LRRC8C: variants seen among roughly 807,000 people sequenced by gnomAD.
LRRC8C encodes the protein leucine rich repeat containing 8 VRAC subunit C, also known as volume-regulated anion channel subunit LRRC8C.
Under a neutral mutation model 55.3 loss-of-function variants are expected in LRRC8C, and 20 were observed. The observed-to-expected ratio is 0.36, with a 90% CI of 0.25 to 0.53. LRRC8C has a LOEUF of 0.53. Ranked by LOEUF, LRRC8C falls within the 20% of genes least tolerant of loss-of-function variation. The pLI, the probability that LRRC8C is intolerant of heterozygous loss-of-function variation, is 0.92. For synonymous variants in LRRC8C, 376 were observed against 360.7 expected, an observed-to-expected ratio of 1.04 and a Z score of -0.48; for missense variants, 659 against 951.4, an observed-to-expected ratio of 0.69 and a Z score of 4.04.
At chr1:89,710,837 G>A (rs1433628848) in intron 2 of LRRC8C, among the ~76,000 whole-genome samples, 1 of 152,148 alleles carries the variant, frequency 6.6e-6, no homozygotes, top group African/African-American at 2.4e-5. Context: ...GGATCCCTCT[G>A]GCTTAATCCT....
intron 2 of LRRC8C, among the ~76,000 whole-genome samples, chr1:89,697,506 G>A (rs1658206516): frequency 6.6e-6 from 1 of 152,166 alleles, no homozygotes; most frequent in African/African-American, 2.4e-5. Context: ...TTCAAAAAGA[G>A]TTTTTCCTGT....
intron 1 of LRRC8C, among the ~76,000 whole-genome samples, chr1:89,676,983 T>C (rs926374825): frequency 8.5e-5 from 13 of 152,174 alleles, no homozygotes; most frequent in African/African-American, 2.9e-4. Flanking sequence ...CATAGATTTT[T>C]AGTGAATTCA....
chr1:89,616,510 G>A, the LRRC8C span, among the ~76,000 whole-genome samples: 1 of 152,194 alleles, frequency 6.6e-6, no homozygotes, highest in Admixed American at 6.5e-5. Context: ...CATTGAAGAA[G>A]GAGGTTGCAA....
chr1:89,656,276 G>A (rs908430605), intron 1 of LRRC8C, among the ~76,000 whole-genome samples: 4 of 152,204 alleles, frequency 2.6e-5, no homozygotes, highest in Non-Finnish European at 5.9e-5. Context: ...TTTCTGGATC[G>A]CAGTGGTCAG....
At chr1:89,695,170 C>T (rs183224526) in intron 2 of LRRC8C, among the ~76,000 whole-genome samples, 18 of 152,252 alleles carry the variant, frequency 1.2e-4, no homozygotes, top group East Asian at 9.6e-4. Flanking sequence ...GATCTGCCCC[C>T]CTCGGGCTCC....
chr1:89,646,650 C>G (rs1240253469), intron 1 of LRRC8C, among the ~76,000 whole-genome samples: 2 of 152,026 alleles, frequency 1.3e-5, no homozygotes, highest in Non-Finnish European at 2.9e-5. Context: ...TAGCTAGCAT[C>G]ATACTTAATG....
chr1:89,622,566 C>A, the LRRC8C span, among the ~76,000 whole-genome samples: 6 of 152,104 alleles, frequency 3.9e-5, no homozygotes, highest in Non-Finnish European at 7.4e-5. Context: ...ATCTCCTGAC[C>A]TTGCGATCCG....
intron 2 of LRRC8C, among the ~76,000 whole-genome samples, chr1:89,699,822 C>T (rs1183546282): frequency 6.6e-6 from 1 of 152,214 alleles, no homozygotes; most frequent in Non-Finnish European, 1.5e-5. Flanking sequence ...TAAATATTCA[C>T]TCCTTCAGAG....
intron 2 of LRRC8C, among the ~76,000 whole-genome samples, chr1:89,691,716 C>G (rs1325338242): frequency 6.6e-6 from 1 of 152,160 alleles, no homozygotes; most frequent in African/African-American, 2.4e-5. Flanking sequence ...CAATCTTAGG[C>G]TGATTCTCCA....
chr1:89,663,991 T>TA (rs1177270726), intron 1 of LRRC8C, among the ~76,000 whole-genome samples: 2 of 152,226 alleles, frequency 1.3e-5, no homozygotes, highest in Non-Finnish European at 2.9e-5. Context: ...CTTGTAAACT[T>TA]GTTTAAGTTC....
At chr1:89,674,387 G>A (rs1050022641) in intron 1 of LRRC8C, among the ~76,000 whole-genome samples, 1 of 152,144 alleles carries the variant, frequency 6.6e-6, no homozygotes, top group African/African-American at 2.4e-5. Flanking sequence ...TAGCTCTGCT[G>A]TGAATAAAGA....
At position 89,642,957 on chromosome 1, in the gene LRRC8C, G is replaced by A. The variant is rs530431225; in HGVS notation, c.-5+9635G>A. On this transcript the variant is annotated intron_variant, in intron 1 of 2. Transcript: ENST00000370454. ...CACTTGAACCTTGGAGGTGGAGGTT[G>A]CAGTGAGCCGAGATCACGCCACTGC... Among the ~76,000 whole-genome samples the A allele has an allele frequency of 6.0e-5, 9 of 150,810 alleles. No individual in the cohort carries two copies. The South Asian group carries it at 1.5e-3, about 25-fold the overall frequency.
intron 2 of LRRC8C, among the ~76,000 whole-genome samples, chr1:89,702,538 C>T (rs1658361933): frequency 6.6e-6 from 1 of 151,892 alleles, no homozygotes; most frequent in African/African-American, 2.4e-5. Flanking sequence ...AGTTCAAAAC[C>T]AGCCTGGGCA....
At chr1:89,651,372 T>G (rs754099316) in intron 1 of LRRC8C, among the ~76,000 whole-genome samples, 1 of 151,954 alleles carries the variant, frequency 6.6e-6, no homozygotes, top group Non-Finnish European at 1.5e-5. Context: ...ATCGAGACCA[T>G]CCTGGCTAAC....
chr1:89,698,844 G>A (rs1266901920), intron 2 of LRRC8C, among the ~76,000 whole-genome samples: 1 of 151,912 alleles, frequency 6.6e-6, no homozygotes, highest in Non-Finnish European at 1.5e-5. Flanking sequence ...GCCTTAGACT[G>A]GTTTTTCTCT....
intron 2 of LRRC8C, among the ~76,000 whole-genome samples, chr1:89,696,812 G>A (rs879461245): frequency 6.6e-6 from 1 of 152,102 alleles, no homozygotes; most frequent in Non-Finnish European, 1.5e-5. Flanking sequence ...AAAGAAGTAA[G>A]GAGGAGCAAA....
chr1:89,641,620 T>C (rs1276781904), intron 1 of LRRC8C, among the ~76,000 whole-genome samples: 1 of 152,194 alleles, frequency 6.6e-6, no homozygotes, highest in African/African-American at 2.4e-5. Flanking sequence ...CAAGGAAGTC[T>C]ATCCATCTCA....
intron 2 of LRRC8C, among the ~76,000 whole-genome samples, chr1:89,693,854 A>T (rs1658096325): frequency 6.6e-6 from 1 of 151,456 alleles, no homozygotes; most frequent in Admixed American, 6.6e-5. Flanking sequence ...ACAGAGTTTA[A>T]CCATTTTGGC....
the LRRC8C span, chr1:89,624,795 TA>T: frequency 1.3e-5 from 2 of 152,208 alleles, no homozygotes; most frequent in Non-Finnish European, 1.5e-5. Flanking sequence ...TTGATAGGTG[TA>T]ATAAAGGAAA....
Sources: gnomAD v4.1 joint callset for allele counts (sites outside exome capture counted in the v4.1 genomes callset) on GRCh38, gnomAD v4.1.1 for gene constraint, MANE v1.5 for transcripts, NCBI Gene and HGNC (gene_info 2026-07-23, HGNC 2026-07-21) for gene names.